The following MAT1A variants were observed in gnomAD, a reference collection of about 807,000 sequenced individuals.
The protein encoded by MAT1A is methionine adenosyltransferase 1A, also known as S-adenosylmethionine synthase isoform type-1.
Under a neutral mutation model 44.0 loss-of-function variants are expected in MAT1A, and 19 were observed. That is an observed-to-expected ratio of 0.43 (90% CI 0.30 to 0.63). MAT1A has a LOEUF of 0.63. Ranked by LOEUF, MAT1A falls within the 30% of genes least tolerant of loss-of-function variation. MAT1A has a pLI of 0.12. For missense variants in MAT1A, 397 were observed against 531.0 expected (o/e 0.75, Z 2.48); for synonymous variants, 205 against 205.6 (o/e 1.00, Z 0.03).
intron 7 of MAT1A, among the ~76,000 whole-genome samples, 171 bp downstream of exon 7, chr10:80,274,846 T>C (rs1290329167): frequency 6.6e-6 from 1 of 152,206 alleles, no homozygotes; most frequent in African/African-American, 2.4e-5. Context: ...ATTCTGGTTT[T>C]CCCTCCCCTA....
chr10:80,276,858 T>C (rs1841495065), intron 5 of MAT1A, among the ~76,000 whole-genome samples: 1 of 152,224 alleles, frequency 6.6e-6, no homozygotes, highest in South Asian at 2.1e-4. Context: ...GAGTTTCCTC[T>C]CAACTTCTGA....
Position 80,273,761 on chromosome 10 carries a change from A to T in MAT1A, c.*20T>A. ...CACCAGGTGCCTCCAGGGTGAGACC[A>T]GGCCCAGCTCCCCCTGGCTCTAAAA... On this transcript the variant is annotated 3_prime_UTR_variant, in exon 9 of 9. Coordinates refer to ENST00000372213, the MANE Select transcript of MAT1A (RefSeq NM_000429.3). 6.4e-7 allele frequency: 1 copy of T among 1,568,742 alleles called. No homozygotes were observed. The highest frequency in any genetic ancestry group is 8.8e-7 in the Non-Finnish European group (1 of 1,140,170).
rs1262972464 is a variant in MAT1A at position 80,283,992 on chromosome 10, G to A, written c.216C>T (p.Thr72=). ...TGMVLLCGEI[T]SMAMVDYQRV... ...GCTGGTAGTCCACCATGGCCATTGA[G>A]GTGATCTCACCACACAGCAGCACCA... Residue 72 remains threonine (T), a synonymous_variant, in exon 3 of 9, where the codon ACC becomes ACT. Coordinates refer to ENST00000372213, the MANE Select transcript of MAT1A (RefSeq NM_000429.3). The A allele has an allele frequency of 1.2e-6, 2 of 1,614,188 alleles. No individual in the cohort carries two copies. The highest frequency in any genetic ancestry group is 1.7e-5 in the Admixed American group (1 of 60,010).
Position 80,276,480 on chromosome 10 carries a change from G to C in MAT1A, c.664C>G (p.Leu222Val). 6.2e-7 allele frequency: 1 copy of C among 1,614,198 alleles called. No individual in the cohort carries two copies. Among genetic ancestry groups the C allele is most frequent in the Non-Finnish European group, 8.5e-7 (1 of 1,180,046 alleles). The change falls in exon 6 of 9, where the codon CTG becomes GTG. Residue 222 changes from leucine to valine, a missense_variant. Physicochemically the swap from Leu to Val is conservative, Grantham distance 32. Coordinates refer to ENST00000372213, the MANE Select transcript of MAT1A (RefSeq NM_000429.3). Reference protein sequence around the residue: ...DITLEEMRRALKEQVIRAVVP... With the variant: ...DITLEEMRRAVKEQVIRAVVP... Reference sequence around the variant, plus strand: ...ACGGCCCTGATGACTTGCTCCTTCAGGGCCCTGCGCATCTCCTCCAGCGTG... The same window carrying C: ...ACGGCCCTGATGACTTGCTCCTTCACGGCCCTGCGCATCTCCTCCAGCGTG...
chr10:80,274,323 G>A (rs1379542814), intron 8 of MAT1A, among the ~76,000 whole-genome samples, 197 bp downstream of exon 8: 1 of 152,228 alleles, frequency 6.6e-6, no homozygotes, highest in African/African-American at 2.4e-5. Flanking sequence ...GGGCCAGCAG[G>A]AACCTGGGGC....
Position 80,275,513 on chromosome 10 carries a change from G to A in MAT1A, c.769-314C>T, listed in dbSNP as rs143814758. 1.6e-5 allele frequency: 7 copies of A among 442,286 alleles called. No individual in the cohort carries two copies. The East Asian group carries it at 3.3e-4, about 21-fold the overall frequency. The allele number at this position is 442,286 out of a possible 1,614,324, so 27.4% of individuals were successfully genotyped here. ...TCCATCACAATGGAGAGATCCAACT[G>A]CAGGCAGGAACTGCACTGTCATAAA... On this transcript the variant is annotated intron_variant, in intron 6 of 8. Transcript: ENST00000372213.
intron 3 of MAT1A, among the ~76,000 whole-genome samples, chr10:80,281,995 A>G (rs756208): frequency 0.76 from 115,556 of 152,060 alleles, 44,882 homozygotes; most frequent in East Asian, 0.97. Context: ...AACTTACCCC[A>G]GGGCACCTCA....
At position 80,272,513 on chromosome 10, in the gene MAT1A, A is replaced by T. The variant is rs146819443; in HGVS notation, c.*1268T>A. ...CCAGAAGGCAAGCCCCGCCTATTTA[A>T]CATGAGGCCATAGGACCAGCCTCCC... On this transcript the variant is annotated 3_prime_UTR_variant, in exon 9 of 9. Coordinates refer to ENST00000372213, the MANE Select transcript of MAT1A (RefSeq NM_000429.3). 2 of 152,166 alleles carry T rather than the reference A, an allele frequency of 1.3e-5. No individual in the cohort carries two copies. The highest frequency in any genetic ancestry group is 2.9e-5 in the Non-Finnish European group (2 of 68,078). 9.4% of individuals were successfully genotyped at this position (152,166 alleles called of 1,614,324 possible).
chr10:80,279,435 G>A (rs1331235699), intron 5 of MAT1A, among the ~76,000 whole-genome samples: 1 of 152,054 alleles, frequency 6.6e-6, no homozygotes, highest in African/African-American at 2.4e-5. Flanking sequence ...AGTATGTGAA[G>A]GTGACAATGG....
At chr10:80,276,258 C>T (rs979830360) in intron 6 of MAT1A, 118 bp downstream of exon 6, 227 of 1,004,582 alleles carry the variant, frequency 2.3e-4, no homozygotes, top group Non-Finnish European at 3.2e-4. Context: ...TACATTTAGT[C>T]CATGGCCAGA....
chr10:80,284,835 C>T (rs1841621193), intron 2 of MAT1A, among the ~76,000 whole-genome samples: 1 of 152,222 alleles, frequency 6.6e-6, no homozygotes, highest in Admixed American at 6.5e-5. Context: ...TGCCAAACAA[C>T]TTATCCCACA....
At chr10:80,276,758 G>A (rs148255177) in intron 5 of MAT1A, among the ~76,000 whole-genome samples, 164 bp from the exon 6 acceptor site, 177 of 152,298 alleles carry the variant, frequency 1.2e-3, no homozygotes, top group African/African-American at 3.8e-3. Context: ...ACATTCTTAC[G>A]TTCAAAAAAT....
At chr10:80,281,519 G>A (rs930496289) in intron 3 of MAT1A, among the ~76,000 whole-genome samples, 2 of 152,010 alleles carry the variant, frequency 1.3e-5, no homozygotes, top group African/African-American at 2.4e-5. Flanking sequence ...CACCGAGACC[G>A]TGCGCACCTC....
At position 80,275,534 on chromosome 10, in the gene MAT1A, A is replaced by G. The variant is rs972873520; in HGVS notation, c.769-335T>C. 4 of 402,032 alleles carry G rather than the reference A, an allele frequency of 9.9e-6. No individual in the cohort carries two copies. The East Asian group carries it at 2.2e-4, about 22-fold the overall frequency. The allele number at this position is 402,032 out of a possible 1,614,324, so 24.9% of individuals were successfully genotyped here. A position where few individuals can be genotyped will look rare whatever the true frequency, so the allele number is the denominator to read the frequency against. ...AACTGCAGGCAGGAACTGCACTGTCATAAATACAACCCTGGCTGGTGCCAC... is the reference window on the plus strand; with the variant it reads ...AACTGCAGGCAGGAACTGCACTGTCGTAAATACAACCCTGGCTGGTGCCAC... On this transcript the variant is annotated intron_variant, in intron 6 of 8. Coordinates refer to ENST00000372213, the MANE Select transcript of MAT1A (RefSeq NM_000429.3).
chr10:80,281,443 A>C (rs1841566019), intron 3 of MAT1A, among the ~76,000 whole-genome samples: 2 of 152,094 alleles, frequency 1.3e-5, no homozygotes, highest in Non-Finnish European at 1.5e-5. Context: ...CACGCGAGGC[A>C]CTGGTTTGGG....
chr10:80,276,259 C>T, intron 6 of MAT1A, 117 bp downstream of exon 6: 1 of 1,018,734 alleles, frequency 9.8e-7, no homozygotes, highest in South Asian at 1.3e-5. Flanking sequence ...ACATTTAGTC[C>T]ATGGCCAGAG....
At chr10:80,274,435 C>G (rs1404410430) in intron 8 of MAT1A, 85 bp downstream of exon 8, 1 of 1,570,828 alleles carries the variant, frequency 6.4e-7, no homozygotes, top group Non-Finnish European at 8.7e-7. Flanking sequence ...GAAACATCCT[C>G]CTTTCTGCCT....
At position 80,275,042 on chromosome 10, in the gene MAT1A, C is replaced by T. The variant is rs138806118; in HGVS notation, c.926G>A (p.Gly309Glu). 4.5e-6 allele frequency: 7 copies of T among 1,558,822 alleles called. No individual in the cohort carries two copies. In the African/African-American group the frequency reaches 6.8e-5, roughly 15 times the overall value. The change falls in exon 7 of 9, where the codon GGG (glycine) becomes GAG (glutamate). Residue 309 changes from glycine (G) to glutamate (E), a missense_variant. Physicochemically the swap from Gly to Glu is moderately conservative, Grantham distance 98. Transcript: ENST00000372213. ...RWVAKSLVKA[G>E]LCRRVLVQVS... is the part of the protein sequence containing the mutation. The stretch of plus-strand genomic sequence containing the variant: ...CTGGACAAGCACTCTCCGGCAGAGC[C>T]CTGCTTTCACCAGAGACTTGGCCAC...
intron 8 of MAT1A, 87 bp downstream of exon 8, chr10:80,274,430 ATCC>A: frequency 5.1e-6 from 8 of 1,556,744 alleles, no homozygotes; most frequent in Non-Finnish European, 7.1e-6. Context: ...AGGCAGAAAC[ATCC>A]TCCTTTCTGC....
Sources: allele counts gnomAD v4.1 joint callset (sites outside exome capture counted in the v4.1 genomes callset), GRCh38; gene constraint gnomAD v4.1.1; transcripts MANE v1.5; gene names NCBI Gene and HGNC (gene_info 2026-07-23, HGNC 2026-07-21).